Variants in NKAIN1 observed in about 807,000 individuals in gnomAD.
NKAIN1 encodes sodium/potassium transporting ATPase interacting 1, also known as sodium/potassium-transporting ATPase subunit beta-1-interacting protein 1.
NKAIN1 carries 13 observed loss-of-function variants against 31.6 expected under a neutral mutation model. The observed-to-expected ratio is 0.41, with a 90% CI of 0.27 to 0.65. NKAIN1 has a LOEUF of 0.65. Among genes scored for constraint, NKAIN1 ranks in the 30% least tolerant of loss-of-function variants. The probability of loss-of-function intolerance (pLI) is 0.30; values close to 1 mark genes in which losing one functional copy is unlikely to be tolerated. For missense variants in NKAIN1, 193 were observed against 262.2 expected, an observed-to-expected ratio of 0.74 and a Z score of 1.82; for synonymous variants, 104 against 109.0, an observed-to-expected ratio of 0.95 and a Z score of 0.28.
intron 3 of NKAIN1, 54 bp downstream of exon 3, chr1:31,185,193 G>C (rs1570448896): frequency 6.9e-7 from 1 of 1,443,882 alleles, no homozygotes; most frequent in East Asian, 2.4e-5. Flanking sequence ...CCTTAGGGCA[G>C]GGGATGGGAA....
At chr1:31,235,547 G>A (rs1050295105) in intron 1 of NKAIN1, among the ~76,000 whole-genome samples, 1 of 152,040 alleles carries the variant, frequency 6.6e-6, no homozygotes, top group African/African-American at 2.4e-5. Context: ...GAGGTGGGAA[G>A]GTCACTTGAG....
At chr1:31,208,716 C>T (rs1645444084) in intron 1 of NKAIN1, among the ~76,000 whole-genome samples, 1 of 152,160 alleles carries the variant, frequency 6.6e-6, no homozygotes, top group Non-Finnish European at 1.5e-5. Flanking sequence ...TTGAAGCTGC[C>T]CCGGACTTTG....
Position 31,181,349 on chromosome 1 carries a change from G to C in NKAIN1, c.*354C>G, listed in dbSNP as rs1570445837. On this transcript the variant is annotated 3_prime_UTR_variant, in exon 7 of 7. Coordinates refer to ENST00000373736, the MANE Select transcript of NKAIN1 (RefSeq NM_024522.3). ...TCTGATGTCCTGCTGTTTTTGGACA[G>C]GGGGGCAGGATGCTGGGTGAAGAGT... The C allele has an allele frequency of 4.0e-6, 1 of 251,818 alleles. No individual in the cohort carries two copies. The highest frequency in any genetic ancestry group is 2.2e-5 in the African/African-American group (1 of 44,736). The allele number at this position is 251,818 out of a possible 1,614,324, so 15.6% of individuals were successfully genotyped here. A position where few individuals can be genotyped will look rare whatever the true frequency, so the allele number is the denominator to read the frequency against.
In NKAIN1 at chr1:31,182,564, G is replaced by C. The variant is rs1220414982; in HGVS notation, c.498C>G (p.Tyr166Ter). 1 of 1,614,156 alleles carries C rather than the reference G, an allele frequency of 6.2e-7. No individual in the cohort carries two copies. Among genetic ancestry groups the C allele is most frequent in the East Asian group, 2.2e-5 (1 of 44,874 alleles). ...LALFGFVFAC[Y>*]VSKVFLEEED... ...CCTCCTCCAGGAACACTTTGCTCAC[G>C]TAGCAGGCGAACACGAAGCCGAACA... Residue 166 changes from tyrosine to a stop codon, truncating the protein, a stop_gained, in exon 5 of 7, where the codon TAC becomes TAG. Coordinates refer to ENST00000373736, the MANE Select transcript of NKAIN1 (RefSeq NM_024522.3). LOFTEE classifies it high-confidence loss of function.
intron 6 of NKAIN1, 24 bp from the exon 7 acceptor site, chr1:31,181,736 G>A (rs1161824936): frequency 6.6e-7 from 1 of 1,518,080 alleles, no homozygotes; most frequent in Admixed American, 2.1e-5. Context: ...AGGCAGGTTA[G>A]GGAGAGTGGA....
chr1:31,190,586 G>A (rs1461003716), intron 1 of NKAIN1, among the ~76,000 whole-genome samples: 1 of 152,090 alleles, frequency 6.6e-6, no homozygotes, highest in Non-Finnish European at 1.5e-5. Flanking sequence ...AATTGTGGTG[G>A]GAAGTCTGCC....
In NKAIN1 at chr1:31,181,580, G is replaced by C. The variant is rs1232948268; in HGVS notation, c.*123C>G. 2.3e-6 allele frequency: 2 copies of C among 868,262 alleles called. No homozygotes were observed. Among genetic ancestry groups the C allele is most frequent in the African/African-American group, 3.5e-5 (2 of 56,490 alleles). 53.8% of individuals were successfully genotyped at this position (868,262 alleles called of 1,614,324 possible). A position where few individuals can be genotyped will look rare whatever the true frequency, so the allele number is the denominator to read the frequency against. Reference sequence around the variant, plus strand: ...GTCCGCATCTCCAGATGCAGACGCGGGGTTGGGCACAGGCTGCAGTGAGCG... The same window carrying C: ...GTCCGCATCTCCAGATGCAGACGCGCGGTTGGGCACAGGCTGCAGTGAGCG... On this transcript the variant is annotated 3_prime_UTR_variant, in exon 7 of 7. Transcript: ENST00000373736.
At chr1:31,192,700 C>G (rs542095606) in intron 1 of NKAIN1, among the ~76,000 whole-genome samples, 2 of 151,644 alleles carry the variant, frequency 1.3e-5, no homozygotes, top group Admixed American at 6.6e-5. Flanking sequence ...ACAGGCGCAT[C>G]CCACCATGCC....
chr1:31,192,519 G>A (rs535337614), intron 1 of NKAIN1, among the ~76,000 whole-genome samples: 4 of 152,214 alleles, frequency 2.6e-5, no homozygotes, highest in African/African-American at 7.2e-5. Flanking sequence ...GGAAAAGGCC[G>A]TCTCTTCCTC....
rs1483262758 is a variant in NKAIN1, at chr1:31,219,580, AG to A, written c.54+19913del. Among the ~76,000 whole-genome samples, 7 of 152,366 alleles carry A rather than the reference AG, an allele frequency of 4.6e-5. No individual in the cohort carries two copies. The Middle Eastern group carries it at 0.01, about 222-fold the overall frequency. On this transcript the variant is annotated intron_variant, in intron 1 of 6. Coordinates refer to ENST00000373736, the MANE Select transcript of NKAIN1 (RefSeq NM_024522.3). Reference sequence around the variant, plus strand: ...GCCCTGGGGAAAGGGGCATGGCCAGAGGAGGGCCACAGAAGGCCCCCTAATG... The same window carrying A: ...GCCCTGGGGAAAGGGGCATGGCCAGAGAGGGCCACAGAAGGCCCCCTAATG...
rs191260788 is a variant in NKAIN1 at position 31,236,287 on chromosome 1, C to T, written c.54+3207G>A. On this transcript the variant is annotated intron_variant, in intron 1 of 6. Transcript: ENST00000373736. The stretch of plus-strand genomic sequence containing the variant: ...CTGCTTCCCTTAAACCCCATGGCAC[C>T]CTCACACCTCACTCCCTCACCCAAA... Among the ~76,000 whole-genome samples, 17 of 152,278 alleles carry T rather than the reference C, an allele frequency of 1.1e-4. No homozygotes were observed. The East Asian group carries it at 2.5e-3, about 22-fold the overall frequency.
chr1:31,234,507 C>T (rs12746254), intron 1 of NKAIN1, among the ~76,000 whole-genome samples: 33,055 of 148,638 alleles, frequency 0.22, 4,359 homozygotes, highest in East Asian at 0.46. Context: ...ATGAAACCAA[C>T]ATTTTTCTGA....
rs1645717444 is a variant in NKAIN1 at position 31,239,488 on chromosome 1, G to A, written c.54+6C>T. 34 of 1,439,328 alleles carry A rather than the reference G, an allele frequency of 2.4e-5. No homozygotes were observed. Among genetic ancestry groups the A allele is most frequent in the Admixed American group, 1.3e-4 (5 of 37,638 alleles). 89.2% of individuals were successfully genotyped at this position (1,439,328 alleles called of 1,614,324 possible). Reference sequence around the variant, plus strand: ...TGCCCCGACTGCCTGGGCACGCGACGCTTACCAGCTGCAGGCAGCAGAAGG... The same window carrying A: ...TGCCCCGACTGCCTGGGCACGCGACACTTACCAGCTGCAGGCAGCAGAAGG... On this transcript the variant is annotated splice_donor_region_variant and intron_variant, in intron 1 of 6. Coordinates refer to ENST00000373736, the MANE Select transcript of NKAIN1 (RefSeq NM_024522.3). This position sits in a 1 kb window ranked among gnomAD's most constrained non-coding sequence, Gnocchi z 4.8.
At chr1:31,201,747 C>G (rs1181597631) in intron 1 of NKAIN1, among the ~76,000 whole-genome samples, 1 of 152,226 alleles carries the variant, frequency 6.6e-6, no homozygotes, top group Non-Finnish European at 1.5e-5. Context: ...CTGACTCCAA[C>G]CAGTCTGGGG....
chr1:31,232,526 C>G (rs1475288628), intron 1 of NKAIN1, among the ~76,000 whole-genome samples: 1 of 144,484 alleles, frequency 6.9e-6, no homozygotes, highest in Non-Finnish European at 1.5e-5. Flanking sequence ...TGGGCTCAAG[C>G]GATCCTTCCA....
At chr1:31,218,771 G>T (rs889233361) in intron 1 of NKAIN1, among the ~76,000 whole-genome samples, 1 of 152,202 alleles carries the variant, frequency 6.6e-6, no homozygotes, top group Non-Finnish European at 1.5e-5. Context: ...GCCTGTCATA[G>T]TCGACAACCA....
At position 31,180,939 on chromosome 1, in the gene NKAIN1, TG is replaced by T. The variant is rs1645192555; in HGVS notation, c.*763del. On this transcript the variant is annotated 3_prime_UTR_variant, in exon 7 of 7. Coordinates refer to ENST00000373736, the MANE Select transcript of NKAIN1 (RefSeq NM_024522.3). ...CATAGGTCCAAGATGGAGGGGGGCT[TG>T]GAAATGGAACTCAGAGAGCAGACAC... The T allele has an allele frequency of 6.6e-6, 1 of 152,044 alleles. No homozygotes were observed. The highest frequency in any genetic ancestry group is 2.4e-5 in the African/African-American group (1 of 41,376). 9.4% of individuals were successfully genotyped at this position (152,044 alleles called of 1,614,324 possible). A position where few individuals can be genotyped will look rare whatever the true frequency, so the allele number is the denominator to read the frequency against.
intron 1 of NKAIN1, among the ~76,000 whole-genome samples, chr1:31,221,040 T>A (rs942866196): frequency 5.3e-5 from 8 of 152,098 alleles, no homozygotes; most frequent in Non-Finnish European, 1.0e-4. Flanking sequence ...GGGGACAAGT[T>A]GTCAGGGCCC....
chr1:31,200,276 C>T (rs1645369390), intron 1 of NKAIN1, among the ~76,000 whole-genome samples: 1 of 152,202 alleles, frequency 6.6e-6, no homozygotes, highest in Non-Finnish European at 1.5e-5. Flanking sequence ...CCCTAAAAGG[C>T]ACCAAACGCG....
Sources: gnomAD v4.1 joint callset for allele counts (sites outside exome capture counted in the v4.1 genomes callset) on GRCh38, gnomAD v4.1.1 for gene constraint, Gnocchi (gnomAD v3.1) non-coding constraint, MANE v1.5 for transcripts, NCBI Gene and HGNC (gene_info 2026-07-23, HGNC 2026-07-21) for gene names.